ARHGAP24: variants seen among roughly 807,000 people sequenced by gnomAD.
ARHGAP24 encodes Rho GTPase activating protein 24, also known as rho GTPase-activating protein 24.
ARHGAP24 carries 50 observed loss-of-function variants against 76.4 expected under a neutral mutation model. That is an observed-to-expected ratio of 0.65 (90% CI 0.52 to 0.83). ARHGAP24 has a LOEUF of 0.83. Ranked by LOEUF, ARHGAP24 falls within the 40% of genes least tolerant of loss-of-function variation. The probability of loss-of-function intolerance (pLI) is 0.00; values close to 1 mark genes in which losing one functional copy is unlikely to be tolerated. For missense variants in ARHGAP24, 930 were observed against 914.2 expected (o/e 1.02, Z -0.22); for synonymous variants, 345 against 323.3 (o/e 1.07, Z -0.72).
intron 2 of ARHGAP24, among the ~76,000 whole-genome samples, chr4:85,701,315 G>A (rs7440693): frequency 6.6e-6 from 1 of 151,862 alleles, no homozygotes; most frequent in Non-Finnish European, 1.5e-5. Context: ...TTGCGTACAG[G>A]CAGGTTTTGG....
chr4:85,666,318 G>A (rs1487224910), intron 2 of ARHGAP24, among the ~76,000 whole-genome samples: 1 of 152,062 alleles, frequency 6.6e-6, no homozygotes, highest in African/African-American at 2.4e-5. Flanking sequence ...CGGCTCCTGA[G>A]GCTTCTGCAT....
At chr4:85,553,245 C>T (rs1905036) in intron 1 of ARHGAP24, among the ~76,000 whole-genome samples, 130,771 of 152,134 alleles carry the variant, frequency 0.86, 59,068 homozygotes, top group Non-Finnish European at 0.98. Flanking sequence ...GCAAGAGTTA[C>T]TGTGAAGAGT....
chr4:85,996,855 T>C (rs146191437), intron 9 of ARHGAP24, among the ~76,000 whole-genome samples: 166 of 152,348 alleles, frequency 1.1e-3, no homozygotes, highest in African/African-American at 3.8e-3. Context: ...CATTTCACAC[T>C]GGGAAGCTTA....
At chr4:85,517,652 G>A (rs911412736) in intron 1 of ARHGAP24, among the ~76,000 whole-genome samples, 4 of 152,004 alleles carry the variant, frequency 2.6e-5, no homozygotes, top group Non-Finnish European at 4.4e-5. Context: ...ATATGAACAT[G>A]CGTATAAAAA....
chr4:85,531,781 A>G (rs1725266934), intron 1 of ARHGAP24, among the ~76,000 whole-genome samples: 1 of 152,148 alleles, frequency 6.6e-6, no homozygotes, highest in African/African-American at 2.4e-5. Context: ...GCAAGTGTAC[A>G]AGATCACTTA....
chr4:85,680,276 CA>C (rs995602845), intron 2 of ARHGAP24, among the ~76,000 whole-genome samples: 1 of 152,050 alleles, frequency 6.6e-6, no homozygotes, highest in African/African-American at 2.4e-5. Flanking sequence ...CATTTCAAAA[CA>C]AAAATAAATT....
intron 2 of ARHGAP24, among the ~76,000 whole-genome samples, chr4:85,689,258 T>C (rs542311525): frequency 1.3e-5 from 2 of 152,340 alleles, no homozygotes; most frequent in East Asian, 3.9e-4. Context: ...GTAGAGATCT[T>C]TCACCTCCTT....
chr4:85,713,884 G>A (rs572035513), intron 2 of ARHGAP24, among the ~76,000 whole-genome samples: 8 of 152,274 alleles, frequency 5.3e-5, no homozygotes, highest in African/African-American at 1.9e-4. Context: ...GTAGTGGGAT[G>A]TTCCAGACAA....
intron 9 of ARHGAP24, 85 bp downstream of exon 9, chr4:85,995,742 T>A (rs1740625631): frequency 1.5e-6 from 2 of 1,329,406 alleles, no homozygotes; most frequent in Non-Finnish European, 2.1e-6. Context: ...GGGTGACATA[T>A]GCTGGCTCCA....
At chr4:85,874,397 A>C (rs1732707223) in intron 3 of ARHGAP24, among the ~76,000 whole-genome samples, 1 of 152,148 alleles carries the variant, frequency 6.6e-6, no homozygotes, top group Non-Finnish European at 1.5e-5. Context: ...AGTTTCTAGA[A>C]CTGCACTTGC....
At chr4:85,945,056 G>T (rs1180795073) in intron 5 of ARHGAP24, among the ~76,000 whole-genome samples, 1 of 152,160 alleles carries the variant, frequency 6.6e-6, no homozygotes, top group African/African-American at 2.4e-5. Flanking sequence ...ATGTTGGTCA[G>T]GCTGGTCTCG....
At chr4:85,557,379 C>G (rs945156159) in intron 1 of ARHGAP24, among the ~76,000 whole-genome samples, 1 of 152,216 alleles carries the variant, frequency 6.6e-6, no homozygotes, top group African/African-American at 2.4e-5. Flanking sequence ...TGTGCTTGAG[C>G]AGGGCTCTGC....
chr4:85,864,701 G>A (rs1732096464), intron 3 of ARHGAP24, among the ~76,000 whole-genome samples: 1 of 151,834 alleles, frequency 6.6e-6, no homozygotes, highest in Non-Finnish European at 1.5e-5. Context: ...AAGGAAGAAA[G>A]CATGTTCAGA....
chr4:85,487,669 CATATATTTATTATATTATATAAAT>C (rs1560505593), intron 1 of ARHGAP24, among the ~76,000 whole-genome samples: 96 of 97,222 alleles, frequency 9.9e-4, no homozygotes, highest in East Asian at 6.9e-3. Context: ...ATTATATAAA[CATATATTTATTATATTATATAAAT>C]ATATATTTAT....
intron 3 of ARHGAP24, among the ~76,000 whole-genome samples, chr4:85,853,970 C>CAA (rs70948760): frequency 0.36 from 52,977 of 148,038 alleles, 10,255 homozygotes; most frequent in Non-Finnish European, 0.45. Context: ...AACAAAAAGA[C>CAA]AAAAAAAAAC....
chr4:85,942,059 T>G lies in ARHGAP24; in HGVS notation c.392-7T>G. On this transcript the variant is annotated splice_region_variant and splice_polypyrimidine_tract_variant and intron_variant, in intron 4 of 9. Transcript: ENST00000395184. ...TCCCAAGTTTACTGTGATCCTTTTT[T>G]TTTAAGGCATTTTTGGACAGAAACT... The G allele has an allele frequency of 6.2e-7, 1 of 1,613,386 alleles. No homozygotes were observed. Among genetic ancestry groups the G allele is most frequent in the Non-Finnish European group, 8.5e-7 (1 of 1,179,848 alleles).
intron 8 of ARHGAP24, among the ~76,000 whole-genome samples, chr4:85,979,836 C>T (rs990195118): frequency 7.2e-5 from 11 of 152,006 alleles, no homozygotes; most frequent in African/African-American, 1.9e-4. Flanking sequence ...TCCCAGTATA[C>T]GTATTATTGT....
intron 3 of ARHGAP24, among the ~76,000 whole-genome samples, chr4:85,786,441 A>G (rs1727847639): frequency 6.6e-6 from 1 of 152,192 alleles, no homozygotes; most frequent in Non-Finnish European, 1.5e-5. Flanking sequence ...CTTGACTTTG[A>G]ACTTCTGTAG....
chr4:85,691,834 T>A (rs774571460), intron 2 of ARHGAP24, among the ~76,000 whole-genome samples: 56 of 152,196 alleles, frequency 3.7e-4, no homozygotes, highest in Non-Finnish European at 8.8e-5. Flanking sequence ...TTTGGCCATT[T>A]ACTTTCAGGG....
Sources: allele counts gnomAD v4.1 joint callset (sites outside exome capture counted in the v4.1 genomes callset), GRCh38; gene constraint gnomAD v4.1.1; transcripts MANE v1.5; gene names NCBI Gene and HGNC (gene_info 2026-07-23, HGNC 2026-07-21).